ZMIZ1: variants seen among roughly 807,000 people sequenced by gnomAD.
ZMIZ1 encodes the protein zinc finger MIZ domain-containing protein 1.
ZMIZ1 carries 17 observed loss-of-function variants against 113.9 expected under a neutral mutation model. The ratio of observed to expected loss-of-function variants is 0.15; its 90% CI spans 0.10 to 0.22. The LOEUF (loss-of-function observed/expected upper bound fraction) is 0.22. Among genes scored for constraint, ZMIZ1 ranks in the 10% least tolerant of loss-of-function variants. The pLI is 1.00. For synonymous variants in ZMIZ1, 607 were observed against 603.1 expected, an observed-to-expected ratio of 1.01 and a Z score of -0.09; for missense variants, 1,059 against 1,477.8, an observed-to-expected ratio of 0.72 and a Z score of 4.65.
At chr10:79,117,322 T>C (rs1222917048) in intron 1 of ZMIZ1, among the ~76,000 whole-genome samples, 1 of 152,278 alleles carries the variant, frequency 6.6e-6, no homozygotes, top group African/African-American at 2.4e-5. Flanking sequence ...CCGTATTTCA[T>C]CTATTACAGG....
chr10:79,252,771 G>A (rs1055505617), intron 7 of ZMIZ1, among the ~76,000 whole-genome samples: 9 of 152,274 alleles, frequency 5.9e-5, no homozygotes, highest in East Asian at 3.9e-4. Flanking sequence ...CCCCCTGCCC[G>A]TGCCCTTACT....
intron 7 of ZMIZ1, among the ~76,000 whole-genome samples, chr10:79,252,471 G>A (rs550924868): frequency 4.6e-5 from 7 of 152,100 alleles, no homozygotes; most frequent in African/African-American, 1.7e-4. Flanking sequence ...TACCCCCTGG[G>A]CTCTTACCTA....
intron 24 of ZMIZ1, among the ~76,000 whole-genome samples, chr10:79,311,408 G>A (rs771789500): frequency 1.3e-5 from 2 of 152,160 alleles, no homozygotes; most frequent in African/African-American, 2.4e-5. Flanking sequence ...CAGTCCCTTT[G>A]GCCATAGCCC....
chr10:79,081,711 G>A (rs1175722548), intron 1 of ZMIZ1, among the ~76,000 whole-genome samples: 1 of 152,198 alleles, frequency 6.6e-6, no homozygotes, highest in Non-Finnish European at 1.5e-5. Context: ...GTGTCTACAG[G>A]CCCCTGAGAC....
At chr10:79,077,810 T>C (rs1470717412) in intron 1 of ZMIZ1, among the ~76,000 whole-genome samples, 1 of 152,230 alleles carries the variant, frequency 6.6e-6, no homozygotes, top group Non-Finnish European at 1.5e-5. Flanking sequence ...GTTGAGAAGA[T>C]GGAGTGCGCA....
intron 18 of ZMIZ1, among the ~76,000 whole-genome samples, chr10:79,303,454 C>CAAAAAAA (rs34154193): frequency 1.5e-5 from 1 of 65,950 alleles, no homozygotes. Context: ...GACACTGCCA[C>CAAAAAAA]AAAAAAAAAA....
intron 3 of ZMIZ1, among the ~76,000 whole-genome samples, chr10:79,143,350 C>T (rs1168184252): frequency 6.6e-6 from 1 of 152,242 alleles, no homozygotes; most frequent in East Asian, 1.9e-4. Flanking sequence ...GAAACAGACC[C>T]AGGAGCTTCT....
chr10:79,303,454 CAAAAAAAAAA>C (rs34154193), intron 18 of ZMIZ1, among the ~76,000 whole-genome samples: 2 of 65,950 alleles, frequency 3.0e-5, no homozygotes, highest in African/African-American at 1.2e-4. Context: ...GACACTGCCA[CAAAAAAAAAA>C]AAAAAAAAAA....
At chr10:79,120,660 G>T (rs1844251246) in intron 2 of ZMIZ1, among the ~76,000 whole-genome samples, 1 of 152,184 alleles carries the variant, frequency 6.6e-6, no homozygotes, top group Non-Finnish European at 1.5e-5. Flanking sequence ...AAGGATGAGA[G>T]GCTGCTGTGT....
chr10:79,293,467 C>T lies in ZMIZ1; in HGVS notation c.1044C>T (p.Pro348=), dbSNP rs775562721. ...CCTCCATGGGGGGCAGCATGAACCC[C>T]GCGAGCATGGCGGCTGGCATGACGC... ...GPASMGGSMN[P]ASMAAGMTPS... is the part of the protein sequence containing the mutation. Residue 348 remains proline, a synonymous_variant, in exon 12 of 25, where the codon CCC becomes CCT. Transcript: ENST00000334512. The T allele has an allele frequency of 3.8e-5, 60 of 1,563,288 alleles. No individual in the cohort carries two copies. The highest frequency in any genetic ancestry group is 5.5e-5 in the Admixed American group (3 of 54,740).
chr10:79,249,534 G>A (rs1336945431), intron 7 of ZMIZ1, among the ~76,000 whole-genome samples: 1 of 152,232 alleles, frequency 6.6e-6, no homozygotes, highest in Non-Finnish European at 1.5e-5. Flanking sequence ...TGCCTTTCTT[G>A]AGGTCCCTGC....
At chr10:79,221,954 C>CAA (rs1250393703) in intron 7 of ZMIZ1, among the ~76,000 whole-genome samples, 1 of 152,220 alleles carries the variant, frequency 6.6e-6, no homozygotes, top group African/African-American at 2.4e-5. Context: ...TTGGCAAAGT[C>CAA]AAAACGCAGA....
intron 10 of ZMIZ1, among the ~76,000 whole-genome samples, chr10:79,291,890 G>A (rs1181985479): frequency 6.6e-6 from 1 of 152,192 alleles, no homozygotes; most frequent in African/African-American, 2.4e-5. Flanking sequence ...AGTTGCTCAG[G>A]TTCTCTGAGA....
chr10:79,314,337 G>C lies in ZMIZ1; in HGVS notation c.*1588G>C. The C allele has an allele frequency of 2.3e-6, 1 of 443,166 alleles. No homozygotes were observed. The highest frequency in any genetic ancestry group is 1.6e-5 in the South Asian group (1 of 62,480). The allele number at this position is 443,166 out of a possible 1,614,324, so 27.5% of individuals were successfully genotyped here. A position where few individuals can be genotyped will look rare whatever the true frequency, so the allele number is the denominator to read the frequency against. The stretch of plus-strand genomic sequence containing the variant: ...CGGCTGCTGCCTGGGGCCCTTTCCT[G>C]CTCTCCCGTCCGCTGTGGGTGGTCC... On this transcript the variant is annotated 3_prime_UTR_variant, in exon 25 of 25. Transcript: ENST00000334512.
intron 7 of ZMIZ1, among the ~76,000 whole-genome samples, chr10:79,218,817 G>A (rs548624773): frequency 2.6e-5 from 4 of 152,106 alleles, no homozygotes; most frequent in Non-Finnish European, 5.9e-5. Flanking sequence ...GAGGTAGAAG[G>A]GGAGCATGCA....
chr10:79,174,316 A>C (rs1846729823), intron 4 of ZMIZ1, among the ~76,000 whole-genome samples: 1 of 151,972 alleles, frequency 6.6e-6, no homozygotes, highest in African/African-American at 2.4e-5. Context: ...GCCGTGACCA[A>C]CTGGACAGAA....
intron 4 of ZMIZ1, among the ~76,000 whole-genome samples, chr10:79,164,702 G>A (rs910245928): frequency 6.6e-6 from 1 of 152,190 alleles, no homozygotes; most frequent in East Asian, 1.9e-4. Flanking sequence ...GAGATTTTAT[G>A]TTAAAAAGCT....
intron 2 of ZMIZ1, among the ~76,000 whole-genome samples, chr10:79,124,989 A>C: frequency 6.6e-6 from 1 of 152,094 alleles, no homozygotes; most frequent in East Asian, 1.9e-4. Flanking sequence ...GGCAAGGGTG[A>C]GGTGTGGTCC....
At chr10:79,259,480 C>T (rs911565393) in intron 7 of ZMIZ1, among the ~76,000 whole-genome samples, 3 of 152,166 alleles carry the variant, frequency 2.0e-5, no homozygotes, top group Non-Finnish European at 4.4e-5. Flanking sequence ...CTGTGCTTCT[C>T]ACTCCATTAA....
Sources: gnomAD v4.1 joint callset for allele counts (sites outside exome capture counted in the v4.1 genomes callset) on GRCh38, gnomAD v4.1.1 for gene constraint, MANE v1.5 for transcripts, NCBI Gene and HGNC (gene_info 2026-07-23, HGNC 2026-07-21) for gene names.